Variants in ADRA1B observed in about 807,000 individuals in gnomAD.
ADRA1B encodes adrenoceptor alpha 1B.
ADRA1B carries 17 observed loss-of-function variants against 17.9 expected under a neutral mutation model. That is an observed-to-expected ratio of 0.95 (90% confidence interval 0.65 to 1.42). The LOEUF is 1.42. Among genes scored for constraint, ADRA1B ranks in the 40% most tolerant of loss-of-function variants. The pLI is 0.00. For synonymous variants in ADRA1B, 366 were observed against 327.6 expected (o/e 1.12, Z -1.27); for missense variants, 681 against 722.1 (o/e 0.94, Z 0.65).
At chr5:159,945,736 G>GTTTT (rs1231519561) in intron 1 of ADRA1B, among the ~76,000 whole-genome samples, 3 of 147,004 alleles carry the variant, frequency 2.0e-5, no homozygotes, top group Non-Finnish European at 4.5e-5. Flanking sequence ...TTTCTGGTGG[G>GTTTT]TTTTTTTGTT....
In ADRA1B at chr5:159,950,784, G is replaced by A. The variant is rs182778810; in HGVS notation, c.950-21095G>A. On this transcript the variant is annotated intron_variant, in intron 1 of 1. Coordinates refer to ENST00000306675, the MANE Select transcript of ADRA1B (RefSeq NM_000679.4). The stretch of plus-strand genomic sequence containing the variant: ...GGCAGGTGAGGTCCATGACTGACAC[G>A]TTGGTGATGTGGACACAGAAGCCCA... 2.0e-3 allele frequency: 1,205 copies of A among 606,636 alleles called. 4 individuals are homozygous for A. The highest frequency in any genetic ancestry group is 6.7e-3 in the East Asian group (216 of 32,210). 37.6% of individuals were successfully genotyped at this position (606,636 alleles called of 1,614,324 possible).
chr5:159,952,321 A>G (rs1755459880), intron 1 of ADRA1B, among the ~76,000 whole-genome samples: 1 of 152,234 alleles, frequency 6.6e-6, no homozygotes, highest in South Asian at 2.1e-4. Flanking sequence ...TAATAATAAA[A>G]TAGAATGAGT....
chr5:159,983,107 C>T, the ADRA1B span, among the ~76,000 whole-genome samples: 5 of 152,146 alleles, frequency 3.3e-5, no homozygotes, highest in Non-Finnish European at 5.9e-5. Context: ...TTGAAAGTAA[C>T]CACCTTCCTT....
intron 1 of ADRA1B, 75 bp downstream of exon 1, chr5:159,917,929 T>C (rs1348950344): frequency 5.6e-6 from 7 of 1,260,814 alleles, no homozygotes; most frequent in East Asian, 4.6e-5. Flanking sequence ...ACTCTAAAGT[T>C]TTTTGTGGGT....
At chr5:159,875,093 C>T (rs1406311787) in intron 1 of ADRA1B, among the ~76,000 whole-genome samples, 1 of 152,136 alleles carries the variant, frequency 6.6e-6, no homozygotes, top group East Asian at 1.9e-4. Context: ...TCCCCTCCAC[C>T]CCGATTCTTA....
intron 1 of ADRA1B, among the ~76,000 whole-genome samples, chr5:159,936,734 A>G (rs1754965701): frequency 6.6e-6 from 1 of 152,192 alleles, no homozygotes; most frequent in African/African-American, 2.4e-5. Flanking sequence ...CATCAAAATT[A>G]AGAGAATATT....
At chr5:159,900,699 C>T (rs1334144250) in intron 1 of ADRA1B, among the ~76,000 whole-genome samples, 1 of 152,246 alleles carries the variant, frequency 6.6e-6, no homozygotes, top group East Asian at 1.9e-4. Context: ...TCTCTCCCTT[C>T]TGCCATACCC....
At chr5:159,933,433 G>T (rs139363040) in intron 1 of ADRA1B, among the ~76,000 whole-genome samples, 312 of 152,352 alleles carry the variant, frequency 2.0e-3, no homozygotes, top group Non-Finnish European at 3.6e-3. Context: ...CATCCACAAA[G>T]TCTGTTTCAA....
chr5:159,939,726 C>T (rs1189271599), intron 1 of ADRA1B, among the ~76,000 whole-genome samples: 1 of 152,202 alleles, frequency 6.6e-6, no homozygotes, highest in East Asian at 1.9e-4. Flanking sequence ...GTGGCCCCTG[C>T]TGTTGCTCCT....
Position 159,972,313 on chromosome 5 carries a change from C to A in ADRA1B, c.1384C>A (p.Pro462Thr). 1 of 1,431,662 alleles carries A rather than the reference C, an allele frequency of 7.0e-7. No individual in the cohort carries two copies. Among genetic ancestry groups the A allele is most frequent in the Non-Finnish European group, 9.1e-7 (1 of 1,098,306 alleles). The allele number at this position is 1,431,662 out of a possible 1,614,324, so 88.7% of individuals were successfully genotyped here. The change falls in exon 2 of 2, where the codon CCC becomes ACC. Residue 462 changes from proline to threonine, a missense_variant. This residue lies in a region of ADRA1B where 251 missense variants were observed against 224.9 expected (regional missense o/e 1.12). Transcript: ENST00000306675. ...ALLSLPAPEP[P>T]GRRGRHDSGP... is the part of the protein sequence containing the mutation. Reference sequence around the variant, plus strand: ...CCTGAGCCTGCCCGCGCCTGAGCCCCCCGGCCGCCGCGGCCGCCACGACTC... The same window carrying A: ...CCTGAGCCTGCCCGCGCCTGAGCCCACCGGCCGCCGCGGCCGCCACGACTC...
upstream of ADRA1B, among the ~76,000 whole-genome samples, chr5:159,914,840 G>A (rs1013856797): frequency 1.4e-4 from 21 of 152,186 alleles, no homozygotes; most frequent in African/African-American, 4.8e-4. Context: ...AACCCAAGAT[G>A]CAGGCTTGTG....
intron 1 of ADRA1B, among the ~76,000 whole-genome samples, chr5:159,867,680 C>T (rs1753676107): frequency 6.6e-6 from 1 of 152,210 alleles, no homozygotes; most frequent in Non-Finnish European, 1.5e-5. Flanking sequence ...TTTTCCATCT[C>T]TTATTCCACC....
At position 159,971,921 on chromosome 5, in the gene ADRA1B, A is replaced by T; in HGVS notation, c.992A>T (p.Lys331Met). The change falls in exon 2 of 2, where the codon AAG becomes ATG. Residue 331 changes from lysine (K) to methionine (M), a missense_variant. By Grantham distance (95) the Lys-to-Met change is moderately conservative. Around this residue, in one of 3 missense-constraint regions of ADRA1B, gnomAD observed 424 missense variants for 480.2 expected, o/e 0.88. Transcript: ENST00000306675. ...STLKPPDAVFKVVFWLGYFNS... is the reference protein window; with the variant it reads ...STLKPPDAVFMVVFWLGYFNS... ...CTGAAGCCCCCCGACGCCGTGTTCA[A>T]GGTGGTGTTCTGGCTGGGCTACTTC... is the stretch of plus-strand genomic sequence containing the variant. 8.3e-7 allele frequency: 1 copy of T among 1,208,026 alleles called. No individual in the cohort carries two copies. Among genetic ancestry groups the T allele is most frequent in the East Asian group, 4.9e-5 (1 of 20,210 alleles). 74.8% of individuals were successfully genotyped at this position (1,208,026 alleles called of 1,614,324 possible).
At chr5:159,964,186 C>T (rs773005224) in intron 1 of ADRA1B, among the ~76,000 whole-genome samples, 52 of 152,184 alleles carry the variant, frequency 3.4e-4, no homozygotes, top group South Asian at 1.0e-3. Context: ...GCACCTACTA[C>T]GTGTGCCAGG....
At chr5:159,903,505 C>T (rs1373391876) in intron 1 of ADRA1B, among the ~76,000 whole-genome samples, 1 of 152,138 alleles carries the variant, frequency 6.6e-6, no homozygotes, top group East Asian at 1.9e-4. Context: ...AAGTGTTATC[C>T]CATTTTACAG....
chr5:159,899,282 G>T (rs1235919860), intron 1 of ADRA1B, among the ~76,000 whole-genome samples: 1 of 146,004 alleles, frequency 6.8e-6, no homozygotes, highest in African/African-American at 2.6e-5. Context: ...AAGGAAGGAA[G>T]GAAGGAAGGA....
At chr5:159,896,499 G>A (rs1388236308) in intron 1 of ADRA1B, among the ~76,000 whole-genome samples, 1 of 152,150 alleles carries the variant, frequency 6.6e-6, no homozygotes, top group African/African-American at 2.4e-5. Context: ...GAATTCTCAT[G>A]TTCCTTCTGA....
chr5:159,982,505 T>C, the ADRA1B span, among the ~76,000 whole-genome samples: 1 of 152,120 alleles, frequency 6.6e-6, no homozygotes, highest in African/African-American at 2.4e-5. Flanking sequence ...ATCAATGAGG[T>C]AGACATTATT....
At chr5:159,899,871 C>T (rs1754083048) in intron 1 of ADRA1B, among the ~76,000 whole-genome samples, 1 of 152,188 alleles carries the variant, frequency 6.6e-6, no homozygotes, top group African/African-American at 2.4e-5. Context: ...TGTGAAATGA[C>T]TGTTTTAGAC....
Sources: gnomAD v4.1 joint callset for allele counts (sites outside exome capture counted in the v4.1 genomes callset) on GRCh38, gnomAD v4.1.1 for gene constraint, gnomAD v4.1.1 regional missense constraint, MANE v1.5 for transcripts, NCBI Gene and HGNC (gene_info 2026-07-23, HGNC 2026-07-21) for gene names.